Variants in NHEJ1 observed in about 807,000 individuals in gnomAD.
The protein encoded by NHEJ1 is non-homologous end-joining factor 1.
NHEJ1 carries 22 observed loss-of-function variants against 39.4 expected under a neutral mutation model. The observed-to-expected ratio is 0.56, with a 90% CI of 0.40 to 0.80. NHEJ1 has a LOEUF of 0.80. NHEJ1 is among the 30% of genes least tolerant of loss of function. NHEJ1 has a pLI of 0.00. For missense variants in NHEJ1, 329 were observed against 357.1 expected, an observed-to-expected ratio of 0.92 and a Z score of 0.63; for synonymous variants, 154 against 135.6, an observed-to-expected ratio of 1.14 and a Z score of -0.94.
Position 219,157,673 on chromosome 2 carries a change from C to T in NHEJ1, c.189G>A (p.Lys63=). The stretch of plus-strand genomic sequence containing the variant: ...AAGCTGCAGGAGGAGCAGTGAGCCG[C>T]TTGTTCAGCTCCTAAAGAGAGAGCA... ...VVSQRAKELN[K]RLTAPPAAFL... Residue 63 remains lysine, a synonymous_variant, in exon 3 of 8, where the codon AAG becomes AAA. Transcript: ENST00000356853. 6.2e-7 allele frequency: 1 copy of T among 1,613,360 alleles called. No individual in the cohort carries two copies. The highest frequency in any genetic ancestry group is 1.1e-5 in the South Asian group (1 of 90,906).
intron 5 of NHEJ1, among the ~76,000 whole-genome samples, chr2:219,122,941 A>C (rs1949485234): frequency 6.6e-6 from 1 of 152,196 alleles, no homozygotes; most frequent in African/African-American, 2.4e-5. Context: ...GCCAGTTTGG[A>C]GCTTGGCCCC....
At chr2:219,097,391 T>C (rs745739856) in intron 5 of NHEJ1, among the ~76,000 whole-genome samples, 103 of 152,148 alleles carry the variant, frequency 6.8e-4, no homozygotes, top group Non-Finnish European at 1.4e-3. Context: ...GAAGGGCCAA[T>C]AGAATCTCTT....
intron 5 of NHEJ1, among the ~76,000 whole-genome samples, chr2:219,103,503 T>C (rs1172225751): frequency 6.6e-6 from 1 of 152,146 alleles, no homozygotes; most frequent in South Asian, 2.1e-4. Context: ...CTCCATCTCC[T>C]GACCTCAAGT....
At chr2:219,129,190 CCA>C (rs1229474391) in intron 5 of NHEJ1, among the ~76,000 whole-genome samples, 8 of 152,182 alleles carry the variant, frequency 5.3e-5, no homozygotes, top group Non-Finnish European at 1.2e-4. Context: ...CTTCAAGAAT[CCA>C]GTTATCATCA....
Position 219,078,155 on chromosome 2 carries a change from G to A in NHEJ1, c.640C>T (p.Leu214=). Residue 214 remains leucine, a synonymous_variant, in exon 6 of 8, where the codon CTG becomes TTG. Coordinates refer to ENST00000356853, the MANE Select transcript of NHEJ1 (RefSeq NM_024782.3). ...GTGACTGCCATATACAGATCCTGCAGATTCATGACAAAGGGCTTTCCATCA... is the reference window on the plus strand; with the variant it reads ...GTGACTGCCATATACAGATCCTGCAAATTCATGACAAAGGGCTTTCCATCA... ...IGDGKPFVMN[L]QDLYMAVTTQ... 6.2e-7 allele frequency: 1 copy of A among 1,614,192 alleles called. No homozygotes were observed. The highest frequency in any genetic ancestry group is 8.5e-7 in the Non-Finnish European group (1 of 1,180,034).
chr2:219,121,786 AC>A (rs1949473891), intron 5 of NHEJ1, among the ~76,000 whole-genome samples: 3 of 151,828 alleles, frequency 2.0e-5, no homozygotes, highest in Non-Finnish European at 4.4e-5. Flanking sequence ...TGATTGCACC[AC>A]CACACTCCAG....
At chr2:219,133,944 C>T (rs139435133) in intron 5 of NHEJ1, among the ~76,000 whole-genome samples, 47 of 152,278 alleles carry the variant, frequency 3.1e-4, no homozygotes, top group South Asian at 2.7e-3. Flanking sequence ...TTTCCTTTTC[C>T]GCTGGTTTCT....
chr2:219,092,344 G>A (rs1319797556), intron 5 of NHEJ1, among the ~76,000 whole-genome samples: 1 of 151,664 alleles, frequency 6.6e-6, no homozygotes, highest in Non-Finnish European at 1.5e-5. Context: ...TAACTGAAAT[G>A]TTATTCAAAT....
rs1377033622 is a variant in NHEJ1 at position 219,121,692 on chromosome 2, AT to A, written c.588+24987del. ...CCCATCTCTACTAAAAATACAAAAA[AT>A]CAGCTGGACATGCTCCTAGCTACTT... On this transcript the variant is annotated intron_variant, in intron 5 of 7. Transcript: ENST00000356853. 2.0e-5 allele frequency among the ~76,000 whole-genome samples: 3 copies of A among 152,068 alleles called. No homozygotes were observed. In the East Asian group the frequency reaches 5.8e-4, roughly 29 times the overall value.
intron 3 of NHEJ1, among the ~76,000 whole-genome samples, chr2:219,150,774 G>T (rs1223296223): frequency 3.9e-5 from 6 of 152,166 alleles, no homozygotes; most frequent in Admixed American, 2.0e-4. Flanking sequence ...TGGCCAACAC[G>T]GTGAAACCCC....
intron 1 of NHEJ1, among the ~76,000 whole-genome samples, chr2:219,160,265 C>T (rs2106372377): frequency 6.6e-6 from 1 of 152,330 alleles, no homozygotes; most frequent in East Asian, 1.9e-4. Context: ...AGTAGAGGCC[C>T]AGAGAGCATC....
intron 5 of NHEJ1, among the ~76,000 whole-genome samples, chr2:219,136,651 G>A (rs533333924): frequency 3.9e-5 from 6 of 152,106 alleles, no homozygotes; most frequent in Non-Finnish European, 7.4e-5. Flanking sequence ...TGCCCAGGCT[G>A]GAGTGCAGTG....
intron 5 of NHEJ1, among the ~76,000 whole-genome samples, chr2:219,133,543 C>T (rs1949598235): frequency 6.6e-6 from 1 of 152,180 alleles, no homozygotes; most frequent in African/African-American, 2.4e-5. Flanking sequence ...TATAGCAATT[C>T]TTAGAATACA....
rs1949750673 is a variant in NHEJ1 at position 219,147,324 on chromosome 2, AC to A, written c.529+332del. Among the ~76,000 whole-genome samples, 9 of 152,350 alleles carry A rather than the reference AC, an allele frequency of 5.9e-5. 1 individual carries two copies. The South Asian group carries it at 1.9e-3, about 32-fold the overall frequency. On this transcript the variant is annotated intron_variant, in intron 4 of 7. Coordinates refer to ENST00000356853, the MANE Select transcript of NHEJ1 (RefSeq NM_024782.3). Reference sequence around the variant, plus strand: ...GTGAAACCCCGTCTATATTAAAAATACAAAAAAATTAGCCAGGCATGGTGGC... The same window carrying A: ...GTGAAACCCCGTCTATATTAAAAATAAAAAAAATTAGCCAGGCATGGTGGC...
At chr2:219,080,830 T>C (rs1949060185) in intron 5 of NHEJ1, among the ~76,000 whole-genome samples, 2 of 152,040 alleles carry the variant, frequency 1.3e-5, no homozygotes, top group Non-Finnish European at 2.9e-5. Context: ...GGCTCAGTAC[T>C]ATGTGTGAAT....
At chr2:219,088,420 G>A (rs368221520) in intron 5 of NHEJ1, among the ~76,000 whole-genome samples, 11 of 152,158 alleles carry the variant, frequency 7.2e-5, no homozygotes, top group African/African-American at 2.7e-4. Context: ...TTGAGCCCGG[G>A]AGTTCAAGGC....
At chr2:219,104,063 T>TG (rs887262931) in intron 5 of NHEJ1, among the ~76,000 whole-genome samples, 9 of 152,196 alleles carry the variant, frequency 5.9e-5, no homozygotes, top group Non-Finnish European at 1.0e-4. Context: ...TTTTGTTTTT[T>TG]TTTGTTTGTT....
intron 5 of NHEJ1, among the ~76,000 whole-genome samples, chr2:219,084,732 C>A (rs528092617): frequency 1.3e-5 from 2 of 152,318 alleles, no homozygotes; most frequent in Non-Finnish European, 2.9e-5. Flanking sequence ...TAGGTATTGT[C>A]TTCCTACCTC....
chr2:219,142,647 G>A (rs1949702516), intron 5 of NHEJ1, among the ~76,000 whole-genome samples: 1 of 152,256 alleles, frequency 6.6e-6, no homozygotes, highest in Non-Finnish European at 1.5e-5. Flanking sequence ...TAGACTGAGA[G>A]TGGGCTCTGC....
Sources: allele counts gnomAD v4.1 joint callset (sites outside exome capture counted in the v4.1 genomes callset), GRCh38; gene constraint gnomAD v4.1.1; transcripts MANE v1.5; gene names NCBI Gene and HGNC (gene_info 2026-07-23, HGNC 2026-07-21).